Variants in KRTCAP3 observed in about 807,000 individuals in gnomAD.
KRTCAP3 encodes the protein keratinocyte associated protein 3.
In KRTCAP3, 18 loss-of-function variants were observed where a neutral mutation model predicts 20.5. That is an observed-to-expected ratio of 0.88 (90% CI 0.61 to 1.31). KRTCAP3 has a LOEUF of 1.31. Among genes scored for constraint, KRTCAP3 ranks in the 50% most tolerant of loss-of-function variants. The probability of loss-of-function intolerance (pLI) is 0.00; values close to 1 mark genes in which losing one functional copy is unlikely to be tolerated. For missense variants in KRTCAP3, 347 were observed against 310.4 expected (o/e 1.12, Z -0.89); for synonymous variants, 167 against 133.7 (o/e 1.25, Z -1.72).
downstream of KRTCAP3, chr2:27,445,181 G>A (rs1664947243): frequency 2.5e-6 from 4 of 1,596,992 alleles, no homozygotes; most frequent in African/African-American, 1.3e-5. The surrounding 1 kb of genome is among the most constrained non-coding windows in gnomAD (Gnocchi z 4.4). Context: ...AGCCTGGGGG[G>A]TAGAAAGCAC....
chr2:27,443,873 C>T (rs777156767), intron 5 of KRTCAP3, 76 bp from the exon 6 acceptor site: 15 of 891,910 alleles, frequency 1.7e-5, no homozygotes, highest in Non-Finnish European at 2.6e-5. Flanking sequence ...GAGGCTCCGT[C>T]ACAAAAAACA....
At chr2:27,446,023 A>G, downstream of KRTCAP3, 1 of 1,613,156 alleles carries the variant, frequency 6.2e-7, no homozygotes, top group African/African-American at 1.3e-5. Context: ...GGGAGTGAAC[A>G]AGCTGGGTTT....
In KRTCAP3 at chr2:27,442,397, T is replaced by C. The variant is rs368887530; in HGVS notation, c.-16T>C. ...GGCCCAGGTACAGCGGCCCTGCGGC[T>C]GGCGCGGCGGACGGGATGAGGCGCT... On this transcript the variant is annotated 5_prime_UTR_variant, in exon 1 of 7. Coordinates refer to ENST00000288873, the MANE Select transcript of KRTCAP3 (RefSeq NM_173853.4). The C allele has an allele frequency of 3.9e-6, 6 of 1,550,340 alleles. No individual in the cohort carries two copies. In the African/African-American group the frequency reaches 5.6e-5, roughly 14 times the overall value.
downstream of KRTCAP3, chr2:27,445,175 T>TG (rs919877709): frequency 1.2e-6 from 2 of 1,600,676 alleles, no homozygotes; most frequent in Admixed American, 1.7e-5. This position sits in a 1 kb window ranked among gnomAD's most constrained non-coding sequence, Gnocchi z 4.4. Context: ...AGGAGCAGCC[T>TG]GGGGGGTAGA....
At chr2:27,445,531 G>C (rs1026996880), downstream of KRTCAP3, 3 of 1,467,506 alleles carry the variant, frequency 2.0e-6, no homozygotes, top group African/African-American at 1.4e-5. The surrounding 1 kb of genome is among the most constrained non-coding windows in gnomAD (Gnocchi z 4.4). Flanking sequence ...GAGGGGGTTT[G>C]CTAAGCCCTC....
rs759635225 is a variant in KRTCAP3, at chr2:27,443,883, A to T, written c.616-66A>T. On this transcript the variant is annotated intron_variant, in intron 5 of 6. Coordinates refer to ENST00000288873, the MANE Select transcript of KRTCAP3 (RefSeq NM_173853.4). ...AGAGTGAGGCTCCGTCACAAAAAAC[A>T]AAACAAAAAAAAGATGCTGACCTAT... 2.5e-4 allele frequency: 242 copies of T among 977,430 alleles called. 2 individuals are homozygous for T. Among genetic ancestry groups the T allele is most frequent in the Non-Finnish European group, 5.1e-5 (31 of 604,132 alleles). 60.5% of individuals were successfully genotyped at this position (977,430 alleles called of 1,614,324 possible). A position where few individuals can be genotyped will look rare whatever the true frequency, so the allele number is the denominator to read the frequency against.
At chr2:27,444,458 G>A, downstream of KRTCAP3, 2 of 1,613,404 alleles carry the variant, frequency 1.2e-6, no homozygotes, top group Non-Finnish European at 1.7e-6. Flanking sequence ...CTGGTGCTGG[G>A]GAGCCCTCCA....
chr2:27,444,200 A>C lies in KRTCAP3; in HGVS notation c.*20A>C, dbSNP rs972055313. The C allele has an allele frequency of 1.5e-5, 10 of 677,216 alleles. No individual in the cohort carries two copies. Among genetic ancestry groups the C allele is most frequent in the African/African-American group, 3.6e-5 (2 of 55,218 alleles). The allele number at this position is 677,216 out of a possible 1,614,324, so 42.0% of individuals were successfully genotyped here. On this transcript the variant is annotated 3_prime_UTR_variant, in exon 7 of 7. Transcript: ENST00000288873. ...CCTCTGTCCAGCAGGTGCTGTTCCG[A>C]GACTCAGTCCTAAAGGGTTTTTTTT...
In KRTCAP3 at chr2:27,442,697, T is replaced by C. The variant is rs1664683975; in HGVS notation, c.147T>C (p.Asn49=). The stretch of plus-strand genomic sequence containing the variant: ...GCACCGTCCTGCGGCACGTGGCCAA[T>C]CCCCGCGGCGCTGTCACGCCGGAGT... ...LHGTVLRHVA[N]PRGAVTPEYT... is the part of the protein sequence containing the mutation. The change falls in exon 2 of 7, where the codon AAT becomes AAC. Residue 49 remains asparagine, a synonymous_variant. Transcript: ENST00000288873. 6.3e-7 allele frequency: 1 copy of C among 1,589,116 alleles called. No individual in the cohort carries two copies. The highest frequency in any genetic ancestry group is 1.8e-5 in the Admixed American group (1 of 57,050).
At chr2:27,446,013 G>A, downstream of KRTCAP3, 1 of 1,613,934 alleles carries the variant, frequency 6.2e-7, no homozygotes, top group South Asian at 1.1e-5. Flanking sequence ...AGTTGCAAAT[G>A]GGAGTGAACA....
downstream of KRTCAP3, chr2:27,444,584 A>G: frequency 7.6e-7 from 1 of 1,307,992 alleles, no homozygotes; most frequent in South Asian, 1.2e-5. Context: ...AATCAGCTCC[A>G]TCGCAGGCTT....
At chr2:27,445,496 G>T, downstream of KRTCAP3, 1 of 1,575,400 alleles carries the variant, frequency 6.3e-7, no homozygotes, top group South Asian at 1.2e-5. This position sits in a 1 kb window ranked among gnomAD's most constrained non-coding sequence, Gnocchi z 4.4. Flanking sequence ...GGGCAGGGCA[G>T]GACAAGTTGG....
downstream of KRTCAP3, chr2:27,445,655 C>T (rs1665008955): frequency 1.3e-6 from 2 of 1,488,994 alleles, no homozygotes; most frequent in Non-Finnish European, 9.3e-7. This position sits in a 1 kb window ranked among gnomAD's most constrained non-coding sequence, Gnocchi z 4.4. Context: ...GGGCTGAGGT[C>T]CTTCCAAAGA....
downstream of KRTCAP3, chr2:27,446,194 G>A (rs1476606366): frequency 2.0e-6 from 3 of 1,491,812 alleles, no homozygotes; most frequent in Non-Finnish European, 2.8e-6. Context: ...CAGAGCAGAA[G>A]GGATATTCTA....
downstream of KRTCAP3, chr2:27,445,111 G>C: frequency 6.2e-7 from 1 of 1,613,748 alleles, no homozygotes; most frequent in Non-Finnish European, 8.5e-7. This position sits in a 1 kb window ranked among gnomAD's most constrained non-coding sequence, Gnocchi z 4.4. Context: ...GTATCCTGTG[G>C]AGGAAGAAAA....
chr2:27,442,781 C>G lies in KRTCAP3; in HGVS notation c.213+18C>G. On this transcript the variant is annotated intron_variant, in intron 2 of 6. Coordinates refer to ENST00000288873, the MANE Select transcript of KRTCAP3 (RefSeq NM_173853.4). The stretch of plus-strand genomic sequence containing the variant: ...GGCTGCTGGTGAGCGCGGCAGGCGA[C>G]CCGGGCGGGGGCCGGGCTCCCGGAG... The G allele has an allele frequency of 3.1e-6, 5 of 1,610,822 alleles. No homozygotes were observed. The highest frequency in any genetic ancestry group is 4.2e-6 in the Non-Finnish European group (5 of 1,179,258).
downstream of KRTCAP3, chr2:27,446,255 C>G: frequency 6.2e-7 from 1 of 1,613,964 alleles, no homozygotes; most frequent in Non-Finnish European, 8.5e-7. Flanking sequence ...CTTGTCCCAG[C>G]TCACCTTGGC....
chr2:27,442,799 T>C (rs1224843493), intron 2 of KRTCAP3, 36 bp downstream of exon 2: 1 of 1,611,380 alleles, frequency 6.2e-7, no homozygotes, highest in Non-Finnish European at 8.5e-7. Context: ...GGGGCCGGGC[T>C]CCCGGAGAGC....
Position 27,443,250 on chromosome 2 carries a change from T to C in KRTCAP3, c.450T>C (p.Thr150=). 2 of 1,614,212 alleles carry C rather than the reference T, an allele frequency of 1.2e-6. No individual in the cohort carries two copies. Among genetic ancestry groups the C allele is most frequent in the Middle Eastern group, 1.6e-4 (1 of 6,062 alleles). ...LVPLDEGPGH[T]DCPFDPTRIY... is the part of the protein sequence containing the mutation. ...CACTGGATGAGGGGCCGGGACATACTGACTGCCCCTTTGACCCCACAAGAA... is the reference window on the plus strand; with the variant it reads ...CACTGGATGAGGGGCCGGGACATACCGACTGCCCCTTTGACCCCACAAGAA... Residue 150 remains threonine (T), a synonymous_variant, in exon 4 of 7, where the codon ACT becomes ACC. Coordinates refer to ENST00000288873, the MANE Select transcript of KRTCAP3 (RefSeq NM_173853.4).
Sources: allele counts gnomAD v4.1 joint callset, GRCh38; gene constraint gnomAD v4.1.1; non-coding constraint Gnocchi (gnomAD v3.1); transcripts MANE v1.5; gene names NCBI Gene and HGNC (gene_info 2026-07-23, HGNC 2026-07-21).